Variants in GLIS3 observed in about 807,000 individuals in gnomAD.
GLIS3 encodes GLIS family zinc finger 3.
Under a neutral mutation model 78.6 loss-of-function variants are expected in GLIS3, and 53 were observed. That is an observed-to-expected ratio of 0.67 (90% CI 0.54 to 0.85). The LOEUF (loss-of-function observed/expected upper bound fraction) is 0.85. Among genes scored for constraint, GLIS3 ranks in the 40% least tolerant of loss-of-function variants. The pLI is 0.00. For missense variants in GLIS3, 1,703 were observed against 1,231.1 expected, an observed-to-expected ratio of 1.38 and a Z score of -5.74; for synonymous variants, 684 against 509.9, an observed-to-expected ratio of 1.34 and a Z score of -4.60.
chr9:4,050,403 C>T (rs991924498), intron 4 of GLIS3, among the ~76,000 whole-genome samples: 6 of 152,122 alleles, frequency 3.9e-5, no homozygotes, highest in African/African-American at 1.4e-4. Context: ...ACAATGAGAA[C>T]ACTTGTACAC....
At chr9:4,018,723 G>A (rs1194404660) in intron 4 of GLIS3, among the ~76,000 whole-genome samples, 1 of 152,158 alleles carries the variant, frequency 6.6e-6, no homozygotes, top group Non-Finnish European at 1.5e-5. Flanking sequence ...CAATCCCCTG[G>A]AAGGCAGGTA....
the GLIS3 span, among the ~76,000 whole-genome samples, chr9:4,372,933 G>A: frequency 4.6e-5 from 7 of 152,164 alleles, no homozygotes; most frequent in African/African-American, 1.2e-4. Context: ...CAAGGAGAAC[G>A]GCTGATATTT....
the GLIS3 span, among the ~76,000 whole-genome samples, chr9:4,476,240 GA>G: frequency 6.6e-6 from 1 of 152,078 alleles, no homozygotes; most frequent in Non-Finnish European, 1.5e-5. Context: ...ATAACACAGG[GA>G]AAATAATTCT....
At chr9:3,959,674 C>T (rs1817411170) in intron 4 of GLIS3, among the ~76,000 whole-genome samples, 1 of 152,140 alleles carries the variant, frequency 6.6e-6, no homozygotes, top group African/African-American at 2.4e-5. Context: ...TTCCCTGCCC[C>T]AACACTTCAC....
chr9:4,323,220 T>C (rs929402467), intron 2 of GLIS3, among the ~76,000 whole-genome samples: 1 of 152,212 alleles, frequency 6.6e-6, no homozygotes, highest in Non-Finnish European at 1.5e-5. Context: ...GATCAGATAG[T>C]TGTAGATGTG....
the GLIS3 span, among the ~76,000 whole-genome samples, chr9:4,444,162 G>C: frequency 2.6e-5 from 4 of 152,296 alleles, no homozygotes; most frequent in Admixed American, 2.6e-4. Flanking sequence ...ATGTGATCCA[G>C]TTTTCATTCA....
chr9:4,305,679 T>G (rs988273569), intron 4 of GLIS3: 6 of 152,206 alleles, frequency 3.9e-5, no homozygotes, highest in East Asian at 1.9e-4. Flanking sequence ...GGAAAGTTAT[T>G]TGATAGCTTC....
the GLIS3 span, among the ~76,000 whole-genome samples, chr9:4,364,645 G>A: frequency 2.7e-5 from 4 of 147,446 alleles, no homozygotes; most frequent in East Asian, 8.1e-4. Flanking sequence ...CTTTAACAGT[G>A]ATTATTTTCT....
intron 2 of GLIS3, among the ~76,000 whole-genome samples, chr9:4,136,955 G>A (rs1833448887): frequency 6.6e-6 from 1 of 152,164 alleles, no homozygotes; most frequent in Non-Finnish European, 1.5e-5. Flanking sequence ...CTAGTCACCT[G>A]ATGTGCATCT....
chr9:4,445,597 G>T, the GLIS3 span, among the ~76,000 whole-genome samples: 11 of 152,228 alleles, frequency 7.2e-5, no homozygotes, highest in African/African-American at 2.4e-4. Context: ...TTGCACCACT[G>T]CCCTCCCACC....
At chr9:3,897,135 G>C (rs1401535836) in intron 7 of GLIS3, among the ~76,000 whole-genome samples, 1 of 152,066 alleles carries the variant, frequency 6.6e-6, no homozygotes, top group Non-Finnish European at 1.5e-5. Context: ...CCATAGATAT[G>C]GATAGCATTG....
chr9:4,154,379 AAG>A (rs1412284725), intron 2 of GLIS3, among the ~76,000 whole-genome samples: 1 of 152,238 alleles, frequency 6.6e-6, no homozygotes, highest in African/African-American at 2.4e-5. Flanking sequence ...CAGGGAAATA[AAG>A]AGATAAATAT....
chr9:4,258,248 G>GA (rs1355001596), intron 2 of GLIS3, among the ~76,000 whole-genome samples: 1 of 152,018 alleles, frequency 6.6e-6, no homozygotes, highest in Admixed American at 6.6e-5. Flanking sequence ...TTCAAAAAAG[G>GA]ACTTAAAATC....
At chr9:4,215,554 T>A (rs1329393766) in intron 2 of GLIS3, among the ~76,000 whole-genome samples, 1 of 152,192 alleles carries the variant, frequency 6.6e-6, no homozygotes, top group Non-Finnish European at 1.5e-5. Context: ...CTGCTTTCAT[T>A]TTCCAAATGT....
intron 2 of GLIS3, among the ~76,000 whole-genome samples, chr9:4,219,732 C>CAAATT (rs1821154663): frequency 1.3e-5 from 2 of 152,254 alleles, no homozygotes; most frequent in South Asian, 4.1e-4. Context: ...AATAGTGCAA[C>CAAATT]TGAGCTGGGA....
chr9:4,101,749 C>T (rs1028992425), intron 4 of GLIS3, among the ~76,000 whole-genome samples: 1 of 150,986 alleles, frequency 6.6e-6, no homozygotes, highest in Non-Finnish European at 1.5e-5. Context: ...AGATCTCAAG[C>T]TTCTTTTTGG....
At chr9:4,002,327 A>C (rs1821177361) in intron 4 of GLIS3, among the ~76,000 whole-genome samples, 1 of 152,176 alleles carries the variant, frequency 6.6e-6, no homozygotes, top group Non-Finnish European at 1.5e-5. Flanking sequence ...GTCCAGTAAA[A>C]TTCATTTCCG....
At chr9:4,450,973 C>T in the GLIS3 span, among the ~76,000 whole-genome samples, 5 of 152,250 alleles carry the variant, frequency 3.3e-5, no homozygotes, top group East Asian at 5.8e-4. Context: ...AACATCATAA[C>T]GACAGCATCA....
chr9:4,329,143 C>T (rs1027548557), intron 2 of GLIS3, among the ~76,000 whole-genome samples: 3 of 152,118 alleles, frequency 2.0e-5, no homozygotes, highest in Non-Finnish European at 4.4e-5. Context: ...TGTGTGAGAT[C>T]GAAGAATTTT....
Sources: allele counts gnomAD v4.1 joint callset (sites outside exome capture counted in the v4.1 genomes callset), GRCh38; gene constraint gnomAD v4.1.1; transcripts MANE v1.5; gene names NCBI Gene and HGNC (gene_info 2026-07-23, HGNC 2026-07-21).